Variants in MLXIPL observed in about 807,000 individuals in gnomAD.
MLXIPL encodes MLX interacting protein like.
In MLXIPL, 49 loss-of-function variants were observed where a neutral mutation model predicts 81.5. The ratio of observed to expected loss-of-function variants is 0.60; its 90% CI spans 0.48 to 0.76. The LOEUF is 0.76. Ranked by LOEUF, MLXIPL falls within the 30% of genes least tolerant of loss-of-function variation. The pLI is 0.00. For synonymous variants in MLXIPL, 466 were observed against 485.5 expected, an observed-to-expected ratio of 0.96 and a Z score of 0.53; for missense variants, 1,053 against 1,167.0, an observed-to-expected ratio of 0.90 and a Z score of 1.42.
At chr7:73,607,818 TC>T in intron 2 of MLXIPL, 146 bp from the exon 3 acceptor site, 2 of 642,570 alleles carry the variant, frequency 3.1e-6, no homozygotes, top group Non-Finnish European at 5.6e-6. Flanking sequence ...CTCCAGGAAG[TC>T]TTCTCGGATG....
intron 3 of MLXIPL, 21 bp from the exon 4 acceptor site, chr7:73,607,441 G>T (rs1554598636): frequency 1.3e-6 from 2 of 1,547,324 alleles, no homozygotes. Context: ...GGCCGGGGGA[G>T]GGGGATCAGT....
chr7:73,640,636 G>A, the MLXIPL span, among the ~76,000 whole-genome samples: 1 of 151,804 alleles, frequency 6.6e-6, no homozygotes, highest in Admixed American at 6.6e-5. Flanking sequence ...AATTAGCTGG[G>A]CATGGTGGTG....
chr7:73,602,815 C>T (rs983487074), intron 7 of MLXIPL, among the ~76,000 whole-genome samples: 14 of 152,240 alleles, frequency 9.2e-5, no homozygotes, highest in Middle Eastern at 3.2e-3. Context: ...GGCCCCAGGC[C>T]GCTGAGGGCC....
rs782565543 is a variant in MLXIPL at position 73,596,510 on chromosome 7, G to A, written c.1823-31C>T. 6.2e-7 allele frequency: 1 copy of A among 1,612,126 alleles called. No individual in the cohort carries two copies. Among genetic ancestry groups the A allele is most frequent in the East Asian group, 2.2e-5 (1 of 44,858 alleles). On this transcript the variant is annotated intron_variant, in intron 11 of 16. Transcript: ENST00000313375. This position sits in a 1 kb window ranked among gnomAD's most constrained non-coding sequence, Gnocchi z 4.7. ...GTAGGGACAGACAGACCCACAGAAAGACCGACCCAGGGGAAAGGGTCCCCA... is the reference window on the plus strand; with the variant it reads ...GTAGGGACAGACAGACCCACAGAAAAACCGACCCAGGGGAAAGGGTCCCCA...
chr7:73,624,219 A>G lies in MLXIPL; in HGVS notation c.274T>C (p.Cys92Arg). The change falls in exon 1 of 17, where the codon TGC becomes CGC. Residue 92 changes from cysteine (C) to arginine (R), a missense_variant. Cys to Arg is a radical substitution (Grantham distance 180). Around this residue, in one of 3 missense-constraint regions of MLXIPL, gnomAD observed 226 missense variants for 216.2 expected, o/e 1.05. Transcript: ENST00000313375. ...IDPTLTRLFE[C>R]LSLAYSGKLV... is the part of the protein sequence containing the mutation. ...CCTCACCTGTAGGCCAGGCTCAAGC[A>G]CTCGAAGAGGCGTGTGAGTGTGGGG... 1 of 1,552,702 alleles carries G rather than the reference A, an allele frequency of 6.4e-7. No homozygotes were observed. Among genetic ancestry groups the G allele is most frequent in the Non-Finnish European group, 8.7e-7 (1 of 1,147,088 alleles).
intron 7 of MLXIPL, among the ~76,000 whole-genome samples, chr7:73,603,259 C>T (rs782684319): frequency 3.3e-5 from 5 of 152,186 alleles, no homozygotes; most frequent in South Asian, 2.1e-4. Flanking sequence ...GAGGGCCACA[C>T]GAGCCACCTC....
chr7:73,596,609 T>TC lies in MLXIPL; in HGVS notation c.1822+29dup, dbSNP rs782312791. Reference sequence around the variant, plus strand: ...CTCCTCTTCCCCTCATCCCCTAGATTCCCCCAATCCCTGCAACCCCTCTCT... The same window carrying TC: ...CTCCTCTTCCCCTCATCCCCTAGATTCCCCCCAATCCCTGCAACCCCTCTCT... On this transcript the variant is annotated intron_variant, in intron 11 of 16. Transcript: ENST00000313375. This position sits in a 1 kb window ranked among gnomAD's most constrained non-coding sequence, Gnocchi z 4.7. 1 of 1,603,662 alleles carries TC rather than the reference T, an allele frequency of 6.2e-7. No homozygotes were observed. The highest frequency in any genetic ancestry group is 8.5e-7 in the Non-Finnish European group (1 of 1,175,574).
the MLXIPL span, among the ~76,000 whole-genome samples, chr7:73,638,682 G>A: frequency 6.6e-6 from 1 of 152,076 alleles, no homozygotes; most frequent in African/African-American, 2.4e-5. Context: ...GAGTGCAGTG[G>A]TGCAATCTCA....
intron 2 of MLXIPL, chr7:73,611,185 G>A (rs797041281): frequency 2.0e-4 from 30 of 152,382 alleles, no homozygotes; most frequent in African/African-American, 7.0e-4. Flanking sequence ...CACAATTCAG[G>A]ATAGCGCCTC....
chr7:73,633,092 T>A, the MLXIPL span, among the ~76,000 whole-genome samples: 10 of 137,792 alleles, frequency 7.3e-5, no homozygotes, highest in Admixed American at 1.5e-4. Context: ...TTTTTTTTTT[T>A]TTATTTGAGA....
At chr7:73,609,830 C>G (rs1465672013) in intron 2 of MLXIPL, 1 of 152,012 alleles carries the variant, frequency 6.6e-6, no homozygotes, top group Admixed American at 6.6e-5. Context: ...TACCACTGCA[C>G]CCAGCTAATC....
In MLXIPL at chr7:73,596,682, C is replaced by T; in HGVS notation, c.1779G>A (p.Leu593=). 6.3e-7 allele frequency: 1 copy of T among 1,588,172 alleles called. No homozygotes were observed. The highest frequency in any genetic ancestry group is 8.6e-7 in the Non-Finnish European group (1 of 1,167,288). ...GPATLAPSRP[L]LVPKAERLSP... ...AGAGCCGCTCCGCTTTGGGGACAAG[C>T]AGGGGCCTGGAAGGGGCCAATGTGG... The change falls in exon 11 of 17, where the codon CTG becomes CTA. Residue 593 remains leucine, a synonymous_variant. Transcript: ENST00000313375. The surrounding 1 kb of genome is among the most constrained non-coding windows in gnomAD (Gnocchi z 4.7).
chr7:73,618,096 G>A (rs1381553765), intron 1 of MLXIPL, among the ~76,000 whole-genome samples: 1 of 152,040 alleles, frequency 6.6e-6, no homozygotes, highest in Non-Finnish European at 1.5e-5. Flanking sequence ...CCAAGTCTTA[G>A]CCATTTTTTC....
chr7:73,630,648 C>T, the MLXIPL span, among the ~76,000 whole-genome samples: 1 of 152,148 alleles, frequency 6.6e-6, no homozygotes, highest in African/African-American at 2.4e-5. Context: ...TGCTGAAGGT[C>T]ACATGATAAG....
intron 2 of MLXIPL, among the ~76,000 whole-genome samples, chr7:73,612,909 G>A (rs1554600011): frequency 6.6e-6 from 1 of 152,190 alleles, no homozygotes; most frequent in Non-Finnish European, 1.5e-5. Context: ...AGCTTAGCGG[G>A]AGAGATAAGG....
At position 73,597,733 on chromosome 7, in the gene MLXIPL, G is replaced by A. The variant is rs367755041; in HGVS notation, c.1072-20C>T. On this transcript the variant is annotated intron_variant, in intron 8 of 16. Coordinates refer to ENST00000313375, the MANE Select transcript of MLXIPL (RefSeq NM_032951.3). ...CCGAGCCTGGTTGGGGGGACAGACAGACACTCAGAGAGCAGGGGAGAGAGC... is the reference window on the plus strand; with the variant it reads ...CCGAGCCTGGTTGGGGGGACAGACAAACACTCAGAGAGCAGGGGAGAGAGC... The A allele has an allele frequency of 6.3e-4, 844 of 1,337,634 alleles. No individual in the cohort carries two copies. Among genetic ancestry groups the A allele is most frequent in the Non-Finnish European group, 7.7e-4 (805 of 1,047,162 alleles). 82.9% of individuals were successfully genotyped at this position (1,337,634 alleles called of 1,614,324 possible).
intron 7 of MLXIPL, among the ~76,000 whole-genome samples, chr7:73,601,440 C>G (rs1794816096): frequency 6.6e-6 from 1 of 152,050 alleles, no homozygotes; most frequent in African/African-American, 2.4e-5. Flanking sequence ...TCAGGAAGTC[C>G]CCCTTCCCAT....
At chr7:73,637,643 A>C in the MLXIPL span, among the ~76,000 whole-genome samples, 2 of 149,250 alleles carry the variant, frequency 1.3e-5, no homozygotes, top group Non-Finnish European at 3.0e-5. Flanking sequence ...CCCGTTGTAT[A>C]GGATACCTGG....
chr7:73,612,044 G>A (rs947787952), intron 2 of MLXIPL, among the ~76,000 whole-genome samples: 2 of 151,770 alleles, frequency 1.3e-5, no homozygotes, highest in Non-Finnish European at 1.5e-5. Flanking sequence ...AGTTTGTCCT[G>A]GTACGGTGTG....
Sources: gnomAD v4.1 joint callset for allele counts (sites outside exome capture counted in the v4.1 genomes callset) on GRCh38, gnomAD v4.1.1 for gene constraint, gnomAD v4.1.1 regional missense constraint, Gnocchi (gnomAD v3.1) non-coding constraint, MANE v1.5 for transcripts, NCBI Gene and HGNC (gene_info 2026-07-23, HGNC 2026-07-21) for gene names.